CCDC192: variants seen among roughly 807,000 people sequenced by gnomAD.
The protein encoded by CCDC192 is coiled-coil domain-containing protein 192.
chr5:127,778,536 T>C (rs1201888949), intron 3 of CCDC192, among the ~76,000 whole-genome samples: 1 of 152,232 alleles, frequency 6.6e-6, no homozygotes, highest in Non-Finnish European at 1.5e-5. Context: ...TGAGGATTTC[T>C]GTATCTATAT....
At chr5:127,870,937 A>G (rs960663543) in intron 5 of CCDC192, among the ~76,000 whole-genome samples, 7 of 152,274 alleles carry the variant, frequency 4.6e-5, no homozygotes, top group Admixed American at 6.5e-5. Context: ...ATTCTCTTTT[A>G]TGTCTTCAAT....
intron 6 of CCDC192, among the ~76,000 whole-genome samples, chr5:127,932,704 A>G: frequency 6.6e-6 from 1 of 152,224 alleles, no homozygotes; most frequent in East Asian, 1.9e-4. Flanking sequence ...GACCATCACT[A>G]CAATCCATGC....
intron 5 of CCDC192, among the ~76,000 whole-genome samples, chr5:127,828,446 A>G (rs1017674084): frequency 6.6e-6 from 1 of 152,202 alleles, no homozygotes; most frequent in Non-Finnish European, 1.5e-5. Context: ...TTGTTTGCCA[A>G]TTACTGTTTT....
chr5:127,750,661 G>T (rs1419690625), intron 2 of CCDC192, among the ~76,000 whole-genome samples: 1 of 138,010 alleles, frequency 7.2e-6, no homozygotes, highest in African/African-American at 2.7e-5. Flanking sequence ...TCAATTCCTG[G>T]GTATCCTTGT....
rs1054726887 is a variant in CCDC192 at position 127,850,934 on chromosome 5, C to T, written c.412-24604C>T. 5.3e-5 allele frequency among the ~76,000 whole-genome samples: 8 copies of T among 152,294 alleles called. No individual in the cohort carries two copies. The South Asian group carries it at 1.0e-3, about 20-fold the overall frequency. On this transcript the variant is annotated intron_variant, in intron 5 of 6. Coordinates refer to ENST00000514853, the MANE Select transcript of CCDC192 (RefSeq NM_001317938.2). ...TGAGCTGAGGCCACACCACTGCACT[C>T]CAGCCTGGGCGACAGAGAGAGACTC... is the stretch of plus-strand genomic sequence containing the variant.
Position 127,849,839 on chromosome 5 carries a change from A to C in CCDC192, c.412-25699A>C, listed in dbSNP as rs990688480. On this transcript the variant is annotated intron_variant, in intron 5 of 6. Coordinates refer to ENST00000514853, the MANE Select transcript of CCDC192 (RefSeq NM_001317938.2). ...CTGAGAAAATTTTTTTGTGAAGAAG[A>C]ATCTCTCAGGATAGGACTCAGAAAA... 3.3e-5 allele frequency among the ~76,000 whole-genome samples: 5 copies of C among 152,222 alleles called. 1 individual carries two copies. In the South Asian group the frequency reaches 1.0e-3, roughly 32 times the overall value.
At chr5:127,852,805 C>T (rs1385348279) in intron 5 of CCDC192, among the ~76,000 whole-genome samples, 1 of 152,128 alleles carries the variant, frequency 6.6e-6, no homozygotes, top group Non-Finnish European at 1.5e-5. Flanking sequence ...TCAAATGCTG[C>T]TATCCCTGGC....
chr5:127,719,834 C>A (rs35790389), intron 2 of CCDC192, among the ~76,000 whole-genome samples: 2 of 138,730 alleles, frequency 1.4e-5, no homozygotes, highest in African/African-American at 2.7e-5. Context: ...GAGGAAGGGG[C>A]GGGGGAGGTG....
At chr5:127,838,884 G>T (rs527318778) in intron 5 of CCDC192, among the ~76,000 whole-genome samples, 9 of 152,184 alleles carry the variant, frequency 5.9e-5, no homozygotes, top group African/African-American at 1.9e-4. Context: ...AAAGACTGTC[G>T]CTGGGGTGAC....
rs1354503806 is a variant in CCDC192, at chr5:127,767,640, TTATC to T, written c.222+13269_222+13272del. Among the ~76,000 whole-genome samples, 17 of 152,218 alleles carry T rather than the reference TTATC, an allele frequency of 1.1e-4. 1 individual carries two copies. The highest frequency in any genetic ancestry group is 1.1e-3 in the Admixed American group (17 of 15,288). On this transcript the variant is annotated intron_variant, in intron 3 of 6. Transcript: ENST00000514853. ...TCTTTTCATTTCTCTCTGGTATTCT[TTATC>T]TATTCTTAAGGCCTAGAGAACTTTT... is the stretch of plus-strand genomic sequence containing the variant.
intron 3 of CCDC192, among the ~76,000 whole-genome samples, chr5:127,781,373 G>A (rs956330690): frequency 2.0e-5 from 3 of 152,042 alleles, no homozygotes; most frequent in Non-Finnish European, 4.4e-5. Flanking sequence ...GAAGAATGAT[G>A]GTGGTATTTT....
chr5:127,785,120 T>C (rs893775064), intron 3 of CCDC192: 17 of 521,110 alleles, frequency 3.3e-5, no homozygotes, highest in Non-Finnish European at 5.9e-5. Flanking sequence ...AGGATTGCCG[T>C]CTGGAATGTG....
At position 127,797,181 on chromosome 5, in the gene CCDC192, C is replaced by A. The variant is rs1201136072; in HGVS notation, c.301C>A (p.His101Asn). The stretch of plus-strand genomic sequence containing the variant: ...GGAGGAAAAACTGGAGGCTGTGGAC[C>A]ACAAGGAAGCCAGTGGGGGACCATA... ...RLEEKLEAVD[H>N]KEASGGPYEK... is the part of the protein sequence containing the mutation. Residue 101 changes from histidine (H) to asparagine (N), a missense_variant, in exon 4 of 7, where the codon CAC becomes AAC. Transcript: ENST00000514853. 4 of 398,234 alleles carry A rather than the reference C, an allele frequency of 1.0e-5. No individual in the cohort carries two copies. The highest frequency in any genetic ancestry group is 1.8e-5 in the Non-Finnish European group (4 of 225,658). The allele number at this position is 398,234 out of a possible 1,614,324, so 24.7% of individuals were successfully genotyped here. A position where few individuals can be genotyped will look rare whatever the true frequency, so the allele number is the denominator to read the frequency against.
intron 5 of CCDC192, among the ~76,000 whole-genome samples, chr5:127,868,951 A>C (rs1751729802): frequency 6.6e-6 from 1 of 152,198 alleles, no homozygotes. Context: ...TGGGCAAGAT[A>C]CTTAAAACTT....
intron 5 of CCDC192, among the ~76,000 whole-genome samples, chr5:127,874,083 G>A (rs1002318095): frequency 6.6e-6 from 1 of 152,148 alleles, no homozygotes; most frequent in Non-Finnish European, 1.5e-5. Context: ...TCAACAGCTG[G>A]CCAGCATCGT....
At chr5:127,728,735 A>G (rs1477239214) in intron 2 of CCDC192, among the ~76,000 whole-genome samples, 3 of 152,232 alleles carry the variant, frequency 2.0e-5, no homozygotes, top group African/African-American at 4.8e-5. Flanking sequence ...TGCCCCAATT[A>G]AAAGACACAG....
intron 2 of CCDC192, among the ~76,000 whole-genome samples, chr5:127,731,051 A>G (rs536586110): frequency 2.4e-4 from 36 of 152,344 alleles, no homozygotes; most frequent in African/African-American, 8.7e-4. Flanking sequence ...AGCATATTCA[A>G]ATAGGAAGGG....
chr5:127,887,102 C>T (rs906676346), intron 6 of CCDC192, among the ~76,000 whole-genome samples: 5 of 151,894 alleles, frequency 3.3e-5, no homozygotes, highest in African/African-American at 1.2e-4. Context: ...CCGAGGCAGG[C>T]TGATCACTTG....
At chr5:127,782,869 T>A (rs1024062052) in intron 3 of CCDC192, among the ~76,000 whole-genome samples, 6 of 152,186 alleles carry the variant, frequency 3.9e-5, no homozygotes, top group African/African-American at 1.2e-4. Context: ...TAATTTGTTC[T>A]TGTTCCACTA....
Sources: gnomAD v4.1 joint callset for allele counts (sites outside exome capture counted in the v4.1 genomes callset) on GRCh38, gnomAD v4.1.1 for gene constraint, MANE v1.5 for transcripts, NCBI Gene and HGNC (gene_info 2026-07-23, HGNC 2026-07-21) for gene names.